OSBPL8: variants seen among roughly 807,000 people sequenced by gnomAD.
OSBPL8 encodes the protein oxysterol-binding protein-related protein 8.
In OSBPL8, 59 loss-of-function variants were observed where a neutral mutation model predicts 125.5. The observed-to-expected ratio is 0.47, with a 90% CI of 0.38 to 0.58. The LOEUF (loss-of-function observed/expected upper bound fraction) is 0.58, where lower values mean the gene tolerates loss of function less well. Ranked by LOEUF, OSBPL8 falls within the 20% of genes least tolerant of loss-of-function variation. OSBPL8 has a pLI of 0.00. For synonymous variants in OSBPL8, 330 were observed against 338.9 expected (o/e 0.97, Z 0.29); for missense variants, 758 against 1,047.8 (o/e 0.72, Z 3.82).
At chr12:76,374,308 C>G (rs770699437) in intron 17 of OSBPL8, among the ~76,000 whole-genome samples, 1 of 152,116 alleles carries the variant, frequency 6.6e-6, no homozygotes, top group African/African-American at 2.4e-5. Context: ...CTTGACAATA[C>G]GTACCCTCTC....
intron 2 of OSBPL8, among the ~76,000 whole-genome samples, chr12:76,478,466 G>C (rs1877076181): frequency 6.6e-6 from 1 of 152,142 alleles, no homozygotes; most frequent in African/African-American, 2.4e-5. Context: ...GTGTGGCTGG[G>C]AATTCTGCTG....
At chr12:76,458,364 A>G in intron 3 of OSBPL8, among the ~76,000 whole-genome samples, 1 of 151,978 alleles carries the variant, frequency 6.6e-6, no homozygotes, top group East Asian at 1.9e-4. Context: ...AATAAATAAT[A>G]TTTATAAAAT....
chr12:76,522,557 T>TACC (rs755776163), intron 1 of OSBPL8, among the ~76,000 whole-genome samples: 7 of 152,188 alleles, frequency 4.6e-5, no homozygotes, highest in Non-Finnish European at 8.8e-5. Flanking sequence ...AGTGGGTTGC[T>TACC]ATAAAGCCAG....
chr12:76,515,897 C>T (rs73385540), intron 1 of OSBPL8, among the ~76,000 whole-genome samples: 7,952 of 152,160 alleles, frequency 0.052, 536 homozygotes, highest in African/African-American at 0.16. Context: ...CTTGGTGACC[C>T]CCCCACTCCC....
rs1033389623 is a variant in OSBPL8 at position 76,414,110 on chromosome 12, T to C, written c.218-3476A>G. Among the ~76,000 whole-genome samples the C allele has an allele frequency of 2.0e-5, 3 of 152,296 alleles. No homozygotes were observed. The East Asian group carries it at 5.8e-4, about 29-fold the overall frequency. ...GTACAGTGTGATATACGGGTACAAT[T>C]TCACTTTCTTTGCATTTAGACACCA... On this transcript the variant is annotated intron_variant, in intron 4 of 23. Coordinates refer to ENST00000261183, the MANE Select transcript of OSBPL8 (RefSeq NM_020841.5).
intron 1 of OSBPL8, among the ~76,000 whole-genome samples, chr12:76,517,303 C>CA: frequency 6.6e-6 from 1 of 152,180 alleles, no homozygotes; most frequent in East Asian, 1.9e-4. Flanking sequence ...TTAGAGGACT[C>CA]AAACTCCAAA....
rs751091708 is a variant in OSBPL8, at chr12:76,369,345, A to C, written c.2241-44T>G. On this transcript the variant is annotated intron_variant, in intron 20 of 23. Transcript: ENST00000261183. ...AAAAAACCATTTGCTCAATGACTAAACAAAGAACTTTAAAACTTTCTATTC... is the reference window on the plus strand; with the variant it reads ...AAAAAACCATTTGCTCAATGACTAACCAAAGAACTTTAAAACTTTCTATTC... 4 of 1,562,280 alleles carry C rather than the reference A, an allele frequency of 2.6e-6. No homozygotes were observed. In the South Asian group the frequency reaches 4.9e-5, roughly 19 times the overall value.
intron 12 of OSBPL8, among the ~76,000 whole-genome samples, chr12:76,387,690 T>A (rs1179531486): frequency 1.3e-5 from 2 of 152,188 alleles, no homozygotes; most frequent in Non-Finnish European, 2.9e-5. Context: ...GGTGATTTTT[T>A]AAGATGAGAT....
At chr12:76,388,805 T>C (rs1953433043) in intron 12 of OSBPL8, among the ~76,000 whole-genome samples, 1 of 152,210 alleles carries the variant, frequency 6.6e-6, no homozygotes. Flanking sequence ...TTGTCTACGA[T>C]GAAATTTGCA....
chr12:76,513,318 C>T (rs1881195101), intron 1 of OSBPL8, among the ~76,000 whole-genome samples: 1 of 152,166 alleles, frequency 6.6e-6, no homozygotes, highest in Non-Finnish European at 1.5e-5. Context: ...GGTTCGTTTG[C>T]ATTTGCTAAG....
At chr12:76,384,744 A>C (rs1429839497) in intron 14 of OSBPL8, among the ~76,000 whole-genome samples, 5 of 152,186 alleles carry the variant, frequency 3.3e-5, no homozygotes, top group African/African-American at 4.8e-5. Context: ...CTACGTGGTG[A>C]GGAACTGAGC....
At chr12:76,485,188 G>A (rs556277195) in intron 2 of OSBPL8, among the ~76,000 whole-genome samples, 1 of 152,130 alleles carries the variant, frequency 6.6e-6, no homozygotes, top group African/African-American at 2.4e-5. Context: ...CTCCCAAAGT[G>A]CTGGGATTAC....
rs374308644 is a variant in OSBPL8, at chr12:76,449,106, A to G, written c.217+1745T>C. Among the ~76,000 whole-genome samples, 97 of 152,362 alleles carry G rather than the reference A, an allele frequency of 6.4e-4. 2 individuals are homozygous for G. Among genetic ancestry groups the G allele is most frequent in the African/African-American group, 2.1e-3 (86 of 41,590 alleles). ...AGTTACTAAAGCCAAATTTCAAAAGATAATTCATAAAGTTACAACATCAAA... is the reference window on the plus strand; with the variant it reads ...AGTTACTAAAGCCAAATTTCAAAAGGTAATTCATAAAGTTACAACATCAAA... On this transcript the variant is annotated intron_variant, in intron 4 of 23. Coordinates refer to ENST00000261183, the MANE Select transcript of OSBPL8 (RefSeq NM_020841.5).
intron 1 of OSBPL8, among the ~76,000 whole-genome samples, chr12:76,501,738 G>A (rs759194289): frequency 4.6e-5 from 7 of 152,002 alleles, no homozygotes; most frequent in East Asian, 3.9e-4. Flanking sequence ...ACTGACCAGC[G>A]GTAGAGATCA....
intron 4 of OSBPL8, among the ~76,000 whole-genome samples, chr12:76,427,402 G>C (rs1870276877): frequency 1.3e-5 from 2 of 151,622 alleles, no homozygotes; most frequent in Admixed American, 6.6e-5. Flanking sequence ...TAAATGTAAA[G>C]TAGTAATAAA....
At chr12:76,538,187 A>G (rs1950549808) in intron 1 of OSBPL8, among the ~76,000 whole-genome samples, 1 of 152,156 alleles carries the variant, frequency 6.6e-6, no homozygotes, top group South Asian at 2.1e-4. Context: ...TTGAACCCAT[A>G]TATTATACAT....
intron 4 of OSBPL8, among the ~76,000 whole-genome samples, chr12:76,442,846 A>T (rs1872344383): frequency 6.6e-6 from 1 of 152,172 alleles, no homozygotes; most frequent in Non-Finnish European, 1.5e-5. Context: ...TAGTCACCTG[A>T]GATTATACCA....
At chr12:76,374,445 G>A (rs1220026155) in intron 17 of OSBPL8, among the ~76,000 whole-genome samples, 1 of 152,106 alleles carries the variant, frequency 6.6e-6, no homozygotes, top group African/African-American at 2.4e-5. Flanking sequence ...GATGGTGGAA[G>A]TGATATAATT....
chr12:76,369,366 T>C (rs1354270700), intron 20 of OSBPL8, 65 bp from the exon 21 acceptor site: 16 of 1,521,764 alleles, frequency 1.1e-5, no homozygotes. Flanking sequence ...TAAAACTTTC[T>C]ATTCTATGAT....
Sources: allele counts gnomAD v4.1 joint callset (sites outside exome capture counted in the v4.1 genomes callset), GRCh38; gene constraint gnomAD v4.1.1; transcripts MANE v1.5; gene names NCBI Gene and HGNC (gene_info 2026-07-23, HGNC 2026-07-21).